BRWD1: variants seen among roughly 807,000 people sequenced by gnomAD.
The protein encoded by BRWD1 is bromodomain and WD repeat-containing protein 1.
In BRWD1, 82 loss-of-function variants were observed where a neutral mutation model predicts 251.2. The ratio of observed to expected loss-of-function variants is 0.33; its 90% confidence interval spans 0.27 to 0.39. The LOEUF is 0.39. BRWD1 is among the 10% of genes least tolerant of loss of function. The probability of loss-of-function intolerance (pLI) is 1.00; values close to 1 mark genes in which losing one functional copy is unlikely to be tolerated. For missense variants in BRWD1, 2,233 were observed against 2,711.6 expected, an observed-to-expected ratio of 0.82 and a Z score of 3.92; for synonymous variants, 918 against 902.8, an observed-to-expected ratio of 1.02 and a Z score of -0.30.
At chr21:39,228,387 T>C (rs11702268) in intron 27 of BRWD1, 113 bp downstream of exon 27, 625,965 of 688,028 alleles carry the variant, frequency 0.91, 287,563 homozygotes, top group African/African-American at 0.97. Flanking sequence ...ATATCTCTTC[T>C]GGAATTTACA....
At chr21:39,218,873 A>G (rs1288328636) in intron 29 of BRWD1, among the ~76,000 whole-genome samples, 1 of 152,216 alleles carries the variant, frequency 6.6e-6, no homozygotes, top group Non-Finnish European at 1.5e-5. Flanking sequence ...CTAACAAATT[A>G]AAAATTAAAA....
At chr21:39,265,124 A>G (rs2034879601) in intron 15 of BRWD1, 105 bp from the exon 16 acceptor site, 3 of 1,189,840 alleles carry the variant, frequency 2.5e-6, no homozygotes, top group Non-Finnish European at 3.4e-6. Flanking sequence ...CCCTTCTGAA[A>G]AAAAAAAAAA....
chr21:39,309,852 AG>A (rs1184199925), intron 4 of BRWD1, among the ~76,000 whole-genome samples: 4 of 149,720 alleles, frequency 2.7e-5, no homozygotes, highest in Non-Finnish European at 4.5e-5. Flanking sequence ...AAAGACACCC[AG>A]GGAACAAAAA....
intron 21 of BRWD1, among the ~76,000 whole-genome samples, chr21:39,242,487 A>T (rs1191053219): frequency 1.3e-5 from 2 of 152,236 alleles, no homozygotes; most frequent in African/African-American, 4.8e-5. Context: ...TGTAAGGTGA[A>T]GCAGCAAGTG....
chr21:39,274,353 C>A, intron 13 of BRWD1, 21 bp downstream of exon 13: 1 of 1,572,342 alleles, frequency 6.4e-7, no homozygotes, highest in Admixed American at 1.7e-5. Flanking sequence ...GATGCACCTA[C>A]TTCTAACAAT....
chr21:39,215,929 G>A (rs548048038), intron 31 of BRWD1, among the ~76,000 whole-genome samples: 47 of 152,300 alleles, frequency 3.1e-4, no homozygotes, highest in Admixed American at 7.8e-4. Context: ...GAGCCTGGCA[G>A]GTCGAGGCTA....
intron 15 of BRWD1, among the ~76,000 whole-genome samples, chr21:39,266,943 T>C (rs1021564513): frequency 1.3e-5 from 2 of 152,224 alleles, no homozygotes; most frequent in African/African-American, 4.8e-5. Flanking sequence ...TTTCCGCTTA[T>C]ATTCTGCTTA....
At chr21:39,184,581 G>C (rs925520759), downstream of BRWD1, 4 of 152,224 alleles carry the variant, frequency 2.6e-5, no homozygotes, top group Admixed American at 6.5e-5. Context: ...GGGTCAGAGA[G>C]AGCCTGTTGA....
chr21:39,272,059 A>G (rs937966316), intron 13 of BRWD1, among the ~76,000 whole-genome samples: 4 of 150,698 alleles, frequency 2.7e-5, no homozygotes, highest in African/African-American at 9.8e-5. Flanking sequence ...ACAGCTATCT[A>G]TGTAATTACA....
At chr21:39,306,336 T>C (rs1051569847) in intron 4 of BRWD1, among the ~76,000 whole-genome samples, 16 of 152,184 alleles carry the variant, frequency 1.1e-4, no homozygotes, top group African/African-American at 3.9e-4. Context: ...CCCCAAGTGC[T>C]GGGATTACAA....
chr21:39,294,568 T>C (rs527985831), intron 7 of BRWD1, among the ~76,000 whole-genome samples: 2 of 151,968 alleles, frequency 1.3e-5, no homozygotes, highest in South Asian at 2.1e-4. Context: ...GGCAGGAGAA[T>C]TGTGTGAACC....
intron 36 of BRWD1, among the ~76,000 whole-genome samples, chr21:39,209,475 A>G (rs2032562528): frequency 6.6e-6 from 1 of 151,978 alleles, no homozygotes; most frequent in Admixed American, 6.6e-5. Context: ...CTGTGTCATA[A>G]TATTAGCTTC....
rs570617137 is a variant in BRWD1 at position 39,319,125 on chromosome 21, T to A, written n.534+1901A>T. ...ATCTGATCTTTTGATAAGCCCTTAG[T>A]CACTAGTAGATATTATATTGCATTT... On this transcript the variant is annotated intron_variant and non_coding_transcript_variant, in intron 1 of 4. Transcript: ENST00000470108. Among the ~76,000 whole-genome samples the A allele has an allele frequency of 1.3e-4, 20 of 152,266 alleles. No homozygotes were observed. In the South Asian group the frequency reaches 3.7e-3, roughly 28 times the overall value.
At chr21:39,276,547 TAAAG>T (rs1198876820) in intron 11 of BRWD1, among the ~76,000 whole-genome samples, 7 of 152,218 alleles carry the variant, frequency 4.6e-5, no homozygotes, top group Non-Finnish European at 8.8e-5. Flanking sequence ...ATATAGGCTT[TAAAG>T]TAGCTAAAAA....
chr21:39,186,253 TA>T lies in BRWD1; in HGVS notation c.*10005del, dbSNP rs1358960438. The stretch of plus-strand genomic sequence containing the variant: ...TTCTGTAAATGCTGCTACATACAAG[TA>T]AAAATAAGGAAAAGCCGTGATAGTA... On this transcript the variant is annotated 3_prime_UTR_variant, in exon 41 of 41. Transcript: ENST00000342449. 2 of 152,154 alleles carry T rather than the reference TA, an allele frequency of 1.3e-5. No homozygotes were observed. The highest frequency in any genetic ancestry group is 4.8e-5 in the African/African-American group (2 of 41,440). 9.4% of individuals were successfully genotyped at this position (152,154 alleles called of 1,614,324 possible).
At chr21:39,300,904 C>A (rs1392223717) in intron 4 of BRWD1, among the ~76,000 whole-genome samples, 1 of 152,014 alleles carries the variant, frequency 6.6e-6, no homozygotes, top group Non-Finnish European at 1.5e-5. Context: ...CTCAGAGAAC[C>A]CAAGAAAAAT....
chr21:39,238,428 C>G (rs779003248), intron 22 of BRWD1, 51 bp downstream of exon 22: 4 of 1,439,338 alleles, frequency 2.8e-6, no homozygotes, highest in African/African-American at 2.8e-5. Flanking sequence ...ATGATTCCAT[C>G]CAAGACTATG....
Position 39,254,618 on chromosome 21 carries a change from C to T in BRWD1, c.2255+1027G>A, listed in dbSNP as rs554864118. Among the ~76,000 whole-genome samples the T allele has an allele frequency of 2.0e-5, 3 of 152,344 alleles. No individual in the cohort carries two copies. In the East Asian group the frequency reaches 5.8e-4, roughly 29 times the overall value. ...AAGCAAAATAATCAAGCCATCTACT[C>T]TGCCTTTCCTACACAAACTTTGCTA... On this transcript the variant is annotated intron_variant, in intron 19 of 40. Coordinates refer to ENST00000342449, the MANE Select transcript of BRWD1 (RefSeq NM_033656.4).
Position 39,191,893 on chromosome 21 carries a change from T to C in BRWD1, c.*4366A>G, listed in dbSNP as rs977793494. ...ACATAACTAAAATATGACCAGAAAGTATACCATAGCATTGATAATTAAATT... is the reference window on the plus strand; with the variant it reads ...ACATAACTAAAATATGACCAGAAAGCATACCATAGCATTGATAATTAAATT... On this transcript the variant is annotated 3_prime_UTR_variant, in exon 41 of 41. Coordinates refer to ENST00000342449, the MANE Select transcript of BRWD1 (RefSeq NM_033656.4). 4.1e-6 allele frequency: 4 copies of C among 983,038 alleles called. No homozygotes were observed. The African/African-American group carries it at 7.0e-5, about 17-fold the overall frequency. The allele number at this position is 983,038 out of a possible 1,614,324, so 60.9% of individuals were successfully genotyped here.
Sources: allele counts gnomAD v4.1 joint callset (sites outside exome capture counted in the v4.1 genomes callset), GRCh38; gene constraint gnomAD v4.1.1; transcripts MANE v1.5; gene names NCBI Gene and HGNC (gene_info 2026-07-23, HGNC 2026-07-21).